Variants in PLA2G4C observed in about 807,000 individuals in gnomAD.
PLA2G4C encodes the protein cytosolic phospholipase A2 gamma.
A neutral mutation model predicts 73.8 loss-of-function variants in PLA2G4C; 64 were observed. The observed-to-expected ratio is 0.87, with a 90% CI of 0.71 to 1.07. The LOEUF is 1.07. Among genes scored for constraint, PLA2G4C ranks in the 50% least tolerant of loss-of-function variants. The probability of loss-of-function intolerance (pLI) is 0.00; values close to 1 mark genes in which losing one functional copy is unlikely to be tolerated. For synonymous variants in PLA2G4C, 254 were observed against 252.1 expected (o/e 1.01, Z -0.07); for missense variants, 622 against 665.4 (o/e 0.93, Z 0.72).
chr19:48,055,839 G>C (rs1474935463), intron 14 of PLA2G4C, among the ~76,000 whole-genome samples: 1 of 151,870 alleles, frequency 6.6e-6, no homozygotes, highest in Non-Finnish European at 1.5e-5. Context: ...TCTCCATGTT[G>C]GTCAGGTTGG....
intron 4 of PLA2G4C, among the ~76,000 whole-genome samples, chr19:48,102,583 G>A (rs998777740): frequency 1.3e-5 from 2 of 152,196 alleles, no homozygotes; most frequent in Non-Finnish European, 2.9e-5. Flanking sequence ...TGATAGCTCA[G>A]GTTGGGACGA....
intron 2 of PLA2G4C, among the ~76,000 whole-genome samples, chr19:48,105,776 A>T (rs765078546): frequency 1.5e-5 from 2 of 134,296 alleles, no homozygotes; most frequent in Non-Finnish European, 3.1e-5. Context: ...CCTGGCCAAC[A>T]TGGTGACATA....
intron 10 of PLA2G4C, among the ~76,000 whole-genome samples, chr19:48,081,530 G>A (rs1016872863): frequency 6.6e-6 from 1 of 152,058 alleles, no homozygotes. Flanking sequence ...GGCCGAGGCA[G>A]GTGGATCACC....
intron 13 of PLA2G4C, chr19:48,064,656 C>A (rs902801834): frequency 6.6e-6 from 1 of 152,120 alleles, no homozygotes; most frequent in Admixed American, 6.6e-5. Flanking sequence ...CAAGGCTGAG[C>A]CTCATTTTTC....
intron 14 of PLA2G4C, among the ~76,000 whole-genome samples, chr19:48,060,073 T>C (rs550263964): frequency 6.6e-6 from 1 of 152,052 alleles, no homozygotes; most frequent in East Asian, 1.9e-4. Context: ...CTGGCTGGGC[T>C]TCCCTACTTT....
At chr19:48,061,479 G>A (rs1968169197) in intron 14 of PLA2G4C, 1 of 157,178 alleles carries the variant, frequency 6.4e-6, no homozygotes, top group Non-Finnish European at 1.4e-5. Flanking sequence ...CACACAGCTG[G>A]TAAGTGGCAG....
intron 14 of PLA2G4C, among the ~76,000 whole-genome samples, chr19:48,058,470 A>G (rs572310923): frequency 2.4e-3 from 371 of 152,236 alleles, no homozygotes; most frequent in Non-Finnish European, 3.6e-3. Context: ...AATATCATGA[A>G]GGTGCTTCAT....
At chr19:48,057,480 CTTCTTTTTTTTTTTTTTTTTTTTTTTTT>C (rs1967995875) in intron 14 of PLA2G4C, among the ~76,000 whole-genome samples, 1 of 28,084 alleles carries the variant, frequency 3.6e-5, no homozygotes, top group Non-Finnish European at 6.6e-5. Flanking sequence ...TCTTCTTCTT[CTTCTTTTTTTTTTTTTTTTTTTTTTTTT>C]TGACAGAGTC....
chr19:48,106,612 A>G (rs905249403), intron 1 of PLA2G4C, 51 bp from the exon 2 acceptor site: 41 of 1,471,748 alleles, frequency 2.8e-5, no homozygotes, highest in Admixed American at 1.3e-4. Flanking sequence ...TGGGCTTAGC[A>G]AAGACAGTGG....
In PLA2G4C at chr19:48,054,957, G is replaced by T. The variant is rs557617265; in HGVS notation, c.1350C>A (p.Pro450=). ...EAELDLWSKA[P]ASCYILKGET... ...CTCCTTTCAGGATGTAGCAGCTGGC[G>T]GGGGCCTTGGACCACAAATCCAGCT... Residue 450 remains proline, a synonymous_variant, in exon 15 of 17, where the codon CCC becomes CCA. Coordinates refer to ENST00000599921, the MANE Select transcript of PLA2G4C (RefSeq NM_003706.3). 3.7e-6 allele frequency: 6 copies of T among 1,613,818 alleles called. No homozygotes were observed. In the East Asian group the frequency reaches 1.3e-4, roughly 36 times the overall value.
intron 14 of PLA2G4C, among the ~76,000 whole-genome samples, chr19:48,059,913 C>A (rs1968105061): frequency 6.6e-6 from 1 of 151,840 alleles, no homozygotes. Context: ...GGATTACAGG[C>A]ACCTGCCACC....
At chr19:48,109,938 C>T (rs1488767847) in intron 1 of PLA2G4C, among the ~76,000 whole-genome samples, 1 of 150,350 alleles carries the variant, frequency 6.7e-6, no homozygotes, top group African/African-American at 2.4e-5. Flanking sequence ...CGTGAGCCAC[C>T]GCGCCCAGCC....
chr19:48,060,289 C>T (rs1350279051), intron 14 of PLA2G4C, among the ~76,000 whole-genome samples: 18 of 152,040 alleles, frequency 1.2e-4, no homozygotes, highest in Admixed American at 9.8e-4. Context: ...TTTCCATACT[C>T]GGTCATTAAA....
intron 4 of PLA2G4C, among the ~76,000 whole-genome samples, chr19:48,101,964 T>C (rs1350645405): frequency 6.6e-6 from 1 of 151,804 alleles, no homozygotes; most frequent in African/African-American, 2.4e-5. Flanking sequence ...TGTGAGCCAC[T>C]GCCCCGGGCC....
intron 10 of PLA2G4C, among the ~76,000 whole-genome samples, chr19:48,078,974 T>C (rs941096949): frequency 2.0e-5 from 3 of 151,612 alleles, no homozygotes; most frequent in East Asian, 3.9e-4. Flanking sequence ...GTTCAAGCGA[T>C]TCTCCTGTCT....
intron 9 of PLA2G4C, among the ~76,000 whole-genome samples, chr19:48,088,414 T>C (rs1484700416): frequency 6.7e-6 from 1 of 150,080 alleles, no homozygotes; most frequent in African/African-American, 2.4e-5. Context: ...AATTCAAGAA[T>C]AATTAAAAGA....
chr19:48,103,070 GCT>G (rs1189377746), intron 4 of PLA2G4C, among the ~76,000 whole-genome samples: 17 of 152,242 alleles, frequency 1.1e-4, no homozygotes, highest in African/African-American at 4.1e-4. Context: ...ATGGGGTCTT[GCT>G]ATGTTGCCCA....
chr19:48,069,062 C>T (rs1390504168), intron 12 of PLA2G4C, among the ~76,000 whole-genome samples: 2 of 138,664 alleles, frequency 1.4e-5, no homozygotes, highest in African/African-American at 2.7e-5. Context: ...AAAAAAAAAA[C>T]GGTGAGGAAA....
rs369113980 is a variant in PLA2G4C, at chr19:48,059,805, G to T, written c.1257+2193C>A. 2.2e-4 allele frequency among the ~76,000 whole-genome samples: 24 copies of T among 109,184 alleles called. 1 individual carries two copies. The highest frequency in any genetic ancestry group is 7.4e-4 in the African/African-American group (20 of 27,010). The allele number at this position is 109,184 out of a possible 152,430, so 71.6% of individuals were successfully genotyped here. A position where few individuals can be genotyped will look rare whatever the true frequency, so the allele number is the denominator to read the frequency against. ...TTTTTTGAGATGGAATTTTGCTCTT[G>T]TTCACCAGGCTGGAGTGCAATGGCA... On this transcript the variant is annotated intron_variant, in intron 14 of 16. Coordinates refer to ENST00000599921, the MANE Select transcript of PLA2G4C (RefSeq NM_003706.3).
Sources: allele counts gnomAD v4.1 joint callset (sites outside exome capture counted in the v4.1 genomes callset), GRCh38; gene constraint gnomAD v4.1.1; transcripts MANE v1.5; gene names NCBI Gene and HGNC (gene_info 2026-07-23, HGNC 2026-07-21).